TCAIM: variants seen among roughly 807,000 people sequenced by gnomAD.
TCAIM encodes T-cell activation inhibitor, mitochondrial.
A neutral mutation model predicts 58.6 loss-of-function variants in TCAIM; 36 were observed. The ratio of observed to expected loss-of-function variants is 0.61; its 90% CI spans 0.47 to 0.81. TCAIM has a LOEUF of 0.81. Ranked by LOEUF, TCAIM falls within the 30% of genes least tolerant of loss-of-function variation. TCAIM has a pLI of 0.00. For synonymous variants in TCAIM, 172 were observed against 193.6 expected (o/e 0.89, Z 0.93); for missense variants, 466 against 579.6 (o/e 0.80, Z 2.01).
chr3:44,358,696 A>G, intron 3 of TCAIM: 14 of 984,860 alleles, frequency 1.4e-5, no homozygotes, highest in Non-Finnish European at 1.7e-5. Flanking sequence ...GAGGTCCTGG[A>G]ACCAATCCCC....
chr3:44,370,750 C>CTTTTTTTTT (rs60626140), intron 5 of TCAIM, among the ~76,000 whole-genome samples: 1 of 73,036 alleles, frequency 1.4e-5, no homozygotes, highest in African/African-American at 4.2e-5. Flanking sequence ...TTCTTTCTTT[C>CTTTTTTTTT]TTTCTTTTTT....
chr3:44,348,604 A>G (rs2125626649), intron 1 of TCAIM, among the ~76,000 whole-genome samples: 1 of 151,740 alleles, frequency 6.6e-6, no homozygotes, highest in Non-Finnish European at 1.5e-5. Flanking sequence ...AGTAATTGCA[A>G]CTCTTCTCTA....
intron 5 of TCAIM, among the ~76,000 whole-genome samples, chr3:44,375,231 A>G (rs1270571555): frequency 2.0e-5 from 3 of 152,200 alleles, no homozygotes; most frequent in Non-Finnish European, 4.4e-5. Flanking sequence ...TTGCATTGCT[A>G]TAATATAAAG....
At chr3:44,395,253 G>A (rs1701916037) in intron 6 of TCAIM, among the ~76,000 whole-genome samples, 2 of 151,680 alleles carry the variant, frequency 1.3e-5, no homozygotes, top group African/African-American at 4.8e-5. Flanking sequence ...TTAAATTGTA[G>A]TTTAAAGAAA....
At position 44,401,225 on chromosome 3, in the gene TCAIM, C is replaced by T. The variant is rs1252714172; in HGVS notation, c.1141C>T (p.His381Tyr). The T allele has an allele frequency of 3.7e-6, 6 of 1,613,818 alleles. No individual in the cohort carries two copies. The highest frequency in any genetic ancestry group is 1.7e-6 in the Non-Finnish European group (2 of 1,179,964). Residue 381 changes from histidine (H) to tyrosine (Y), a missense_variant, in exon 10 of 11, where the codon CAT becomes TAT. By Grantham distance (83) the His-to-Tyr change is moderately conservative. Coordinates refer to ENST00000342649, the MANE Select transcript of TCAIM (RefSeq NM_173826.4). Reference protein sequence around the residue: ...LNSDRYAPSLHELGHFNIPTL... With the variant: ...LNSDRYAPSLYELGHFNIPTL... ...CAGTGACAGATATGCTCCAAGCTTGCATGAACTCGGGCATTTTAATATTCC... is the reference window on the plus strand; with the variant it reads ...CAGTGACAGATATGCTCCAAGCTTGTATGAACTCGGGCATTTTAATATTCC...
At chr3:44,376,447 G>A (rs1270870030) in intron 5 of TCAIM, among the ~76,000 whole-genome samples, 1 of 152,196 alleles carries the variant, frequency 6.6e-6, no homozygotes, top group Non-Finnish European at 1.5e-5. Flanking sequence ...GGGAGAGCTA[G>A]TAAAGGAGCA....
In TCAIM at chr3:44,372,077, G is replaced by GGAAGGAAGGAAC. The variant is rs1232901051; in HGVS notation, c.572+4369_572+4370insGAAGGAAGGAAC. ...AGGAAGGAAGGAAGGAAGGAAGGAAGATACAGTATTAGCAAGATGTGAAAC... is the reference window on the plus strand; with the variant it reads ...AGGAAGGAAGGAAGGAAGGAAGGAAGGAAGGAAGGAACATACAGTATTAGCAAGATGTGAAAC... On this transcript the variant is annotated intron_variant, in intron 5 of 10. Coordinates refer to ENST00000342649, the MANE Select transcript of TCAIM (RefSeq NM_173826.4). 2.4e-3 allele frequency among the ~76,000 whole-genome samples: 346 copies of GGAAGGAAGGAAC among 146,232 alleles called. 15 individuals carry two copies. The highest frequency in any genetic ancestry group is 8.6e-3 in the East Asian group (41 of 4,762).
In TCAIM at chr3:44,389,088, G is replaced by A. The variant is rs995927104; in HGVS notation, c.573-3767G>A. On this transcript the variant is annotated intron_variant, in intron 5 of 10. Coordinates refer to ENST00000342649, the MANE Select transcript of TCAIM (RefSeq NM_173826.4). The stretch of plus-strand genomic sequence containing the variant: ...GGGTGGATCACGAGGTCAGGAGTTC[G>A]AGACCAGCCTGGCCAATATGGTGAA... Among the ~76,000 whole-genome samples the A allele has an allele frequency of 2.6e-5, 4 of 152,166 alleles. 1 individual carries two copies. The highest frequency in any genetic ancestry group is 4.8e-5 in the African/African-American group (2 of 41,440).
At chr3:44,380,418 G>A (rs1701637851) in intron 5 of TCAIM, among the ~76,000 whole-genome samples, 1 of 151,878 alleles carries the variant, frequency 6.6e-6, no homozygotes, top group Non-Finnish European at 1.5e-5. Context: ...ACAATTTTGA[G>A]CAAAAAAGAA....
Position 44,408,954 on chromosome 3 carries a change from G to A in TCAIM, c.*1272G>A, listed in dbSNP as rs1481766769. The A allele has an allele frequency of 1.3e-5, 2 of 152,088 alleles. No homozygotes were observed. Among genetic ancestry groups the A allele is most frequent in the African/African-American group, 4.8e-5 (2 of 41,394 alleles). The allele number at this position is 152,088 out of a possible 1,614,324, so 9.4% of individuals were successfully genotyped here. On this transcript the variant is annotated 3_prime_UTR_variant, in exon 11 of 11. Coordinates refer to ENST00000342649, the MANE Select transcript of TCAIM (RefSeq NM_173826.4). ...GGCAATATTTTTAACCAACCCAAAA[G>A]CTCTTCAGGTCATTTCTGAAGAGGA... is the stretch of plus-strand genomic sequence containing the variant.
chr3:44,383,826 AAAAAAAAAT>A (rs1313640371), intron 5 of TCAIM, among the ~76,000 whole-genome samples: 13 of 151,234 alleles, frequency 8.6e-5, no homozygotes, highest in African/African-American at 3.2e-4. Flanking sequence ...AAAAAAAAAA[AAAAAAAAAT>A]TTAAATTAGC....
intron 9 of TCAIM, 39 bp from the exon 10 acceptor site, chr3:44,401,164 G>A: frequency 6.2e-7 from 1 of 1,604,742 alleles, no homozygotes; most frequent in Non-Finnish European, 8.5e-7. Context: ...GGAGAGGAGA[G>A]GGTCAGTGGT....
intron 10 of TCAIM, among the ~76,000 whole-genome samples, chr3:44,405,759 C>T (rs1470901064): frequency 6.6e-6 from 1 of 151,666 alleles, no homozygotes; most frequent in African/African-American, 2.4e-5. Context: ...AGTTGAAGAC[C>T]AGCCTGGCCA....
chr3:44,345,311 G>A (rs992886369), intron 1 of TCAIM, among the ~76,000 whole-genome samples: 10 of 151,896 alleles, frequency 6.6e-5, no homozygotes, highest in Admixed American at 5.2e-4. Context: ...AACAGAAGAC[G>A]CAAGGTCCAA....
chr3:44,394,934 A>G (rs1456259679), intron 6 of TCAIM, among the ~76,000 whole-genome samples: 1 of 40,724 alleles, frequency 2.5e-5, no homozygotes, highest in Non-Finnish European at 5.4e-5. Context: ...ATATATATAT[A>G]TATATATATA....
intron 5 of TCAIM, among the ~76,000 whole-genome samples, chr3:44,372,378 C>T (rs1049380150): frequency 6.6e-6 from 1 of 152,068 alleles, no homozygotes; most frequent in African/African-American, 2.4e-5. Flanking sequence ...ACCTATTAGC[C>T]ATCATGGTCA....
chr3:44,377,366 T>TA (rs1354180555), intron 5 of TCAIM, among the ~76,000 whole-genome samples: 1 of 152,154 alleles, frequency 6.6e-6, no homozygotes, highest in Non-Finnish European at 1.5e-5. Context: ...ATCATCAAAA[T>TA]ATATGAAGCA....
chr3:44,381,934 G>T (rs1386134501), intron 5 of TCAIM, among the ~76,000 whole-genome samples: 1 of 152,160 alleles, frequency 6.6e-6, no homozygotes, highest in African/African-American at 2.4e-5. Context: ...CGAAAGACTT[G>T]TAGTACAATG....
intron 5 of TCAIM, among the ~76,000 whole-genome samples, chr3:44,381,723 A>G (rs1014778304): frequency 6.6e-6 from 1 of 152,212 alleles, no homozygotes; most frequent in South Asian, 2.1e-4. Context: ...GGTCTTATAC[A>G]TAGAAAACTC....
Sources: allele counts gnomAD v4.1 joint callset (sites outside exome capture counted in the v4.1 genomes callset), GRCh38; gene constraint gnomAD v4.1.1; transcripts MANE v1.5; gene names NCBI Gene and HGNC (gene_info 2026-07-23, HGNC 2026-07-21).